FHIT: variants seen among roughly 807,000 people sequenced by gnomAD.
FHIT encodes bis(5'-adenosyl)-triphosphatase.
FHIT carries 19 observed loss-of-function variants against 17.9 expected under a neutral mutation model. That is an observed-to-expected ratio of 1.06 (90% CI 0.74 to 1.56). The LOEUF (loss-of-function observed/expected upper bound fraction) is 1.56, where lower values mean the gene tolerates loss of function less well. Ranked by LOEUF, FHIT falls within the 40% of genes most tolerant of loss-of-function variation. The pLI is 0.00. For missense variants in FHIT, 248 were observed against 189.2 expected (o/e 1.31, Z -1.82); for synonymous variants, 81 against 69.7 (o/e 1.16, Z -0.81).
chr3:59,898,911 C>T (rs1194885837), intron 8 of FHIT, among the ~76,000 whole-genome samples: 1 of 152,144 alleles, frequency 6.6e-6, no homozygotes, highest in East Asian at 1.9e-4. Flanking sequence ...CAGATAGAAT[C>T]CTCCTCCATG....
At chr3:60,048,988 C>T (rs558227133) in intron 5 of FHIT, among the ~76,000 whole-genome samples, 3 of 152,250 alleles carry the variant, frequency 2.0e-5, no homozygotes, top group Non-Finnish European at 4.4e-5. Flanking sequence ...GTTGGGCAAG[C>T]TCCTTAACCC....
intron 4 of FHIT, among the ~76,000 whole-genome samples, chr3:60,724,669 T>G (rs1441133362): frequency 6.7e-6 from 1 of 150,086 alleles, no homozygotes; most frequent in Non-Finnish European, 1.5e-5. Flanking sequence ...TGTTTTTTTT[T>G]TTTTTGAGAC....
intron 1 of FHIT, among the ~76,000 whole-genome samples, chr3:61,228,020 A>C (rs2040012027): frequency 6.6e-6 from 1 of 152,188 alleles, no homozygotes; most frequent in South Asian, 2.1e-4. Context: ...AGCTGCTCTA[A>C]AGTAAACACA....
intron 8 of FHIT, among the ~76,000 whole-genome samples, chr3:59,900,892 A>T (rs984789101): frequency 6.6e-6 from 1 of 152,098 alleles, no homozygotes; most frequent in African/African-American, 2.4e-5. Context: ...GGGATTACAG[A>T]CGTGAGCCAC....
At chr3:60,448,282 C>A (rs910728754) in intron 5 of FHIT, among the ~76,000 whole-genome samples, 1 of 152,062 alleles carries the variant, frequency 6.6e-6, no homozygotes, top group Admixed American at 6.6e-5. Context: ...CACATCCTAA[C>A]CAATTAATTG....
intron 7 of FHIT, among the ~76,000 whole-genome samples, chr3:59,955,063 C>T (rs1232541474): frequency 3.3e-5 from 5 of 152,172 alleles, no homozygotes; most frequent in Non-Finnish European, 7.3e-5. Context: ...TGGCTAGGTT[C>T]CCATTACTGA....
chr3:60,203,894 C>G (rs551800166), intron 5 of FHIT, among the ~76,000 whole-genome samples: 4 of 151,914 alleles, frequency 2.6e-5, no homozygotes, highest in African/African-American at 7.2e-5. Context: ...AAAATCAGAA[C>G]AATTGAACTT....
At chr3:60,474,660 A>T (rs1176999523) in intron 5 of FHIT, among the ~76,000 whole-genome samples, 3 of 150,598 alleles carry the variant, frequency 2.0e-5, no homozygotes. Context: ...TTTCGCTCTT[A>T]TCACCCAGGC....
intron 5 of FHIT, among the ~76,000 whole-genome samples, chr3:60,171,871 AT>A (rs10716252): frequency 0.53 from 79,811 of 150,866 alleles, 21,566 homozygotes; most frequent in South Asian, 0.62. Context: ...CTGCCCAGCT[AT>A]TTTTTTTTTA....
chr3:60,857,982 G>C (rs889383788), intron 3 of FHIT, among the ~76,000 whole-genome samples: 4 of 152,140 alleles, frequency 2.6e-5, no homozygotes, highest in African/African-American at 9.7e-5. Context: ...ACAATTGTTA[G>C]GTAGTATTAC....
intron 5 of FHIT, among the ~76,000 whole-genome samples, chr3:60,152,729 C>CAT (rs755562644): frequency 3.3e-5 from 5 of 152,158 alleles, no homozygotes; most frequent in Non-Finnish European, 7.3e-5. Flanking sequence ...TAACCTATAC[C>CAT]ATCTGGGCTT....
At chr3:60,193,792 C>T (rs994445517) in intron 5 of FHIT, among the ~76,000 whole-genome samples, 7 of 151,996 alleles carry the variant, frequency 4.6e-5, no homozygotes, top group Non-Finnish European at 1.0e-4. Flanking sequence ...TGTCAGGGGC[C>T]AGTAATGAGA....
At chr3:60,631,103 A>G (rs1463494914) in intron 4 of FHIT, among the ~76,000 whole-genome samples, 2 of 152,110 alleles carry the variant, frequency 1.3e-5, no homozygotes, top group Admixed American at 6.5e-5. Flanking sequence ...GACAACAGAT[A>G]AAAGTCTCTG....
intron 4 of FHIT, among the ~76,000 whole-genome samples, chr3:60,638,219 C>T (rs1553684427): frequency 6.6e-6 from 1 of 152,110 alleles, no homozygotes; most frequent in East Asian, 1.9e-4. Context: ...TTCAAAGTAA[C>T]AACACGACAT....
chr3:60,404,259 C>T (rs1483210319), intron 5 of FHIT, among the ~76,000 whole-genome samples: 1 of 152,122 alleles, frequency 6.6e-6, no homozygotes, highest in Non-Finnish European at 1.5e-5. Context: ...CCACCAGTAA[C>T]AAGAACAATG....
intron 8 of FHIT, among the ~76,000 whole-genome samples, chr3:59,860,897 A>T (rs1702375405): frequency 6.6e-6 from 1 of 152,150 alleles, no homozygotes; most frequent in African/African-American, 2.4e-5. Context: ...ATGATCCATG[A>T]TCCCCCAGCT....
intron 5 of FHIT, among the ~76,000 whole-genome samples, chr3:60,225,489 C>G (rs1704155128): frequency 6.6e-6 from 1 of 152,046 alleles, no homozygotes; most frequent in South Asian, 2.1e-4. Context: ...GTATAAATGT[C>G]TGGGTATTAG....
intron 4 of FHIT, among the ~76,000 whole-genome samples, chr3:60,767,747 C>T (rs1166435594): frequency 6.6e-6 from 1 of 152,178 alleles, no homozygotes; most frequent in Non-Finnish European, 1.5e-5. Flanking sequence ...AAGGCTTTCC[C>T]TCTTGTTAAG....
At chr3:60,337,108 C>A (rs1710281066) in intron 5 of FHIT, among the ~76,000 whole-genome samples, 4 of 152,134 alleles carry the variant, frequency 2.6e-5, no homozygotes, top group Admixed American at 2.6e-4. Flanking sequence ...GTAAGCTTGG[C>A]AACATTTATT....
Sources: allele counts gnomAD v4.1 joint callset (sites outside exome capture counted in the v4.1 genomes callset), GRCh38; gene constraint gnomAD v4.1.1; transcripts MANE v1.5; gene names NCBI Gene and HGNC (gene_info 2026-07-23, HGNC 2026-07-21).